Variants in GRIK4 observed in about 807,000 individuals in gnomAD.
The protein encoded by GRIK4 is glutamate ionotropic receptor kainate type subunit 4, also known as glutamate receptor ionotropic, kainate 4.
In GRIK4, 40 loss-of-function variants were observed where a neutral mutation model predicts 104.9. That is an observed-to-expected ratio of 0.38 (90% CI 0.30 to 0.50). GRIK4 has a LOEUF of 0.50. Among genes scored for constraint, GRIK4 ranks in the 20% least tolerant of loss-of-function variants. GRIK4 has a pLI of 0.93. For synonymous variants in GRIK4, 485 were observed against 524.9 expected (o/e 0.92, Z 1.04); for missense variants, 1,047 against 1,308.1 (o/e 0.80, Z 3.08).
At chr11:120,679,585 A>G (rs1950158538) in intron 3 of GRIK4, among the ~76,000 whole-genome samples, 1 of 152,162 alleles carries the variant, frequency 6.6e-6, no homozygotes, top group Non-Finnish European at 1.5e-5. Context: ...GCAGCTGGGC[A>G]GTGCCAGGCC....
In GRIK4 at chr11:120,631,352, G is replaced by A. The variant is rs75728361; in HGVS notation, c.-158-22333G>A. Among the ~76,000 whole-genome samples the A allele has an allele frequency of 3.6e-3, 553 of 152,284 alleles. 4 individuals carry two copies. The highest frequency in any genetic ancestry group is 0.012 in the African/African-American group (516 of 41,560). On this transcript the variant is annotated intron_variant, in intron 1 of 20. Transcript: ENST00000527524. ...TCTGGGGTGGGACCTGAGTTTCGGC[G>A]TTTCTCATGAGCTCCCTGGGGATAT...
chr11:120,951,503 G>C (rs147141225), intron 14 of GRIK4, among the ~76,000 whole-genome samples: 2 of 152,190 alleles, frequency 1.3e-5, no homozygotes, highest in Non-Finnish European at 2.9e-5. Flanking sequence ...AGTAGGTTGC[G>C]CCATGACTGA....
chr11:120,734,870 A>G (rs1951194612), intron 3 of GRIK4, among the ~76,000 whole-genome samples: 1 of 152,208 alleles, frequency 6.6e-6, no homozygotes, highest in Admixed American at 6.5e-5. Flanking sequence ...AAAAGAACCT[A>G]GGCCTGGACT....
intron 14 of GRIK4, among the ~76,000 whole-genome samples, chr11:120,943,357 C>A: frequency 6.6e-6 from 1 of 152,116 alleles, no homozygotes; most frequent in East Asian, 1.9e-4. Context: ...GTGTGAGACA[C>A]CATGCTTAGG....
At chr11:120,686,403 G>A (rs924052481) in intron 3 of GRIK4, among the ~76,000 whole-genome samples, 2 of 152,122 alleles carry the variant, frequency 1.3e-5, no homozygotes, top group African/African-American at 4.8e-5. Flanking sequence ...CTAAATCACT[G>A]TCTACCTTGT....
In GRIK4 at chr11:120,567,841, C is replaced by T. The variant is rs941980471; in HGVS notation, c.-159+55954C>T. 2.0e-5 allele frequency among the ~76,000 whole-genome samples: 3 copies of T among 152,184 alleles called. No homozygotes were observed. In the East Asian group the frequency reaches 5.8e-4, roughly 29 times the overall value. On this transcript the variant is annotated intron_variant, in intron 1 of 20. Coordinates refer to ENST00000527524, the MANE Select transcript of GRIK4 (RefSeq NM_014619.5). ...TATGTTCTATTCCCCTTCTCCAAGG[C>T]AGGTACAGACCAAAAACATCCCATA... is the stretch of plus-strand genomic sequence containing the variant.
chr11:120,619,312 C>A (rs568112837), intron 1 of GRIK4, among the ~76,000 whole-genome samples: 2 of 152,302 alleles, frequency 1.3e-5, no homozygotes, highest in South Asian at 2.1e-4. Context: ...AATGCCTATA[C>A]CCCCATTGCA....
intron 1 of GRIK4, among the ~76,000 whole-genome samples, chr11:120,599,513 T>G (rs1217149795): frequency 6.6e-6 from 1 of 152,224 alleles, no homozygotes; most frequent in East Asian, 1.9e-4. Flanking sequence ...TTAGGCCCTT[T>G]GAAGGAAGGA....
At chr11:120,742,523 A>AT (rs142502433) in intron 3 of GRIK4, among the ~76,000 whole-genome samples, 32,205 of 115,004 alleles carry the variant, frequency 0.28, 3,918 homozygotes, top group African/African-American at 0.36. Flanking sequence ...TATTATTATT[A>AT]TTATTTTTTT....
chr11:120,561,974 C>T (rs575493315), intron 1 of GRIK4, among the ~76,000 whole-genome samples: 26 of 152,214 alleles, frequency 1.7e-4, no homozygotes, highest in African/African-American at 6.3e-4. Context: ...GGTGAAGAGC[C>T]CCAGAAGGAT....
At chr11:120,518,845 G>C (rs117781321) in intron 1 of GRIK4, among the ~76,000 whole-genome samples, 1,676 of 152,160 alleles carry the variant, frequency 0.011, 46 homozygotes, top group East Asian at 0.063. Flanking sequence ...TCTCAAACTC[G>C]TGACCTCAGG....
At chr11:120,543,866 A>G (rs1344211281) in intron 1 of GRIK4, among the ~76,000 whole-genome samples, 3 of 152,254 alleles carry the variant, frequency 2.0e-5, no homozygotes, top group Non-Finnish European at 2.9e-5. Flanking sequence ...ACAGTGTGCT[A>G]AGTGAAATAA....
chr11:120,834,122 C>T (rs1350577452), intron 7 of GRIK4, among the ~76,000 whole-genome samples: 2 of 152,152 alleles, frequency 1.3e-5, no homozygotes, highest in Admixed American at 6.5e-5. Flanking sequence ...GTTAAAGGTA[C>T]GCATGCTTTT....
At chr11:120,612,628 G>T (rs1037514221) in intron 1 of GRIK4, among the ~76,000 whole-genome samples, 3 of 152,326 alleles carry the variant, frequency 2.0e-5, no homozygotes, top group Admixed American at 1.3e-4. Context: ...AATCCAAAGG[G>T]TTTTTCTGAT....
chr11:120,728,213 A>T (rs1951066485), intron 3 of GRIK4, among the ~76,000 whole-genome samples: 1 of 152,188 alleles, frequency 6.6e-6, no homozygotes, highest in African/African-American at 2.4e-5. Context: ...TGACATTGTC[A>T]TTCTGACTTT....
intron 9 of GRIK4, among the ~76,000 whole-genome samples, chr11:120,862,649 A>G (rs1267980064): frequency 1.3e-5 from 2 of 152,014 alleles, no homozygotes; most frequent in African/African-American, 4.8e-5. Flanking sequence ...GCTCATCCAG[A>G]ATGGCTCCCT....
chr11:120,927,787 A>T lies in GRIK4; in HGVS notation c.1477-12560A>T, dbSNP rs140703895. Among the ~76,000 whole-genome samples the T allele has an allele frequency of 1.8e-3, 273 of 152,296 alleles. 2 individuals carry two copies. The South Asian group carries it at 0.022, about 12-fold the overall frequency. On this transcript the variant is annotated intron_variant, in intron 13 of 20. Coordinates refer to ENST00000527524, the MANE Select transcript of GRIK4 (RefSeq NM_014619.5). Reference sequence around the variant, plus strand: ...GCTCTTGTTATGTAAAGAGGCACAGATACCACTATAGCACAAAAAGTGTAC... The same window carrying T: ...GCTCTTGTTATGTAAAGAGGCACAGTTACCACTATAGCACAAAAAGTGTAC...
intron 3 of GRIK4, among the ~76,000 whole-genome samples, chr11:120,661,287 G>A (rs1949810616): frequency 6.6e-6 from 1 of 152,314 alleles, no homozygotes; most frequent in East Asian, 1.9e-4. Context: ...GGGCACAGCA[G>A]TGACAAACCC....
At chr11:120,862,266 G>A in intron 9 of GRIK4, 146 bp downstream of exon 9, 2 of 711,030 alleles carry the variant, frequency 2.8e-6, no homozygotes, top group Non-Finnish European at 4.7e-6. Flanking sequence ...GAGAGGTGTG[G>A]GAAGTGGTTG....
Sources: allele counts gnomAD v4.1 joint callset (sites outside exome capture counted in the v4.1 genomes callset), GRCh38; gene constraint gnomAD v4.1.1; transcripts MANE v1.5; gene names NCBI Gene and HGNC (gene_info 2026-07-23, HGNC 2026-07-21).